Variants in STYX observed in about 807,000 individuals in gnomAD.
STYX encodes the protein serine/threonine/tyrosine-interacting protein.
STYX carries 20 observed loss-of-function variants against 42.7 expected under a neutral mutation model. The observed-to-expected ratio is 0.47, with a 90% confidence interval of 0.33 to 0.68. The LOEUF is 0.68. Ranked by LOEUF, STYX falls within the 30% of genes least tolerant of loss-of-function variation. STYX has a pLI of 0.02. For missense variants in STYX, 226 were observed against 268.5 expected (o/e 0.84, Z 1.11); for synonymous variants, 78 against 81.9 (o/e 0.95, Z 0.26).
At chr14:52,763,171 T>C (rs1428379596) in intron 9 of STYX, among the ~76,000 whole-genome samples, 1 of 152,114 alleles carries the variant, frequency 6.6e-6, no homozygotes, top group Non-Finnish European at 1.5e-5. Context: ...GGGTTACAGA[T>C]GTGAGCCACT....
chr14:52,760,021 G>A (rs988627149), intron 9 of STYX, among the ~76,000 whole-genome samples: 2 of 151,874 alleles, frequency 1.3e-5, no homozygotes, highest in Non-Finnish European at 2.9e-5. Context: ...AACAAAGTGA[G>A]ACCCAATCTC....
intron 1 of STYX, among the ~76,000 whole-genome samples, chr14:52,731,080 A>G (rs995309132): frequency 1.3e-5 from 2 of 152,238 alleles, no homozygotes; most frequent in Non-Finnish European, 2.9e-5. Flanking sequence ...TGACCTTTGG[A>G]GGAAAATTAA....
Position 52,752,469 on chromosome 14 carries a change from TA to T in STYX, c.242+1700del, listed in dbSNP as rs928853772. 6.2e-5 allele frequency among the ~76,000 whole-genome samples: 9 copies of T among 145,684 alleles called. No individual in the cohort carries two copies. In the South Asian group the frequency reaches 6.5e-4, roughly 11 times the overall value. Reference sequence around the variant, plus strand: ...ACAGAGCAAGACTCTGTCTCAAAAATAAAAAAAAAAATTTAATGCTCTGCTT... The same window carrying T: ...ACAGAGCAAGACTCTGTCTCAAAAATAAAAAAAAAATTTAATGCTCTGCTT... On this transcript the variant is annotated intron_variant, in intron 4 of 10. Transcript: ENST00000354586.
intron 9 of STYX, 151 bp downstream of exon 9, chr14:52,759,905 A>G: frequency 6.5e-6 from 4 of 611,942 alleles, no homozygotes; most frequent in Non-Finnish European, 1.1e-5. Context: ...TCTATTTAGA[A>G]GTATTTTCTT....
chr14:52,737,030 T>C (rs1202415687), intron 1 of STYX, among the ~76,000 whole-genome samples: 1 of 152,218 alleles, frequency 6.6e-6, no homozygotes, highest in Non-Finnish European at 1.5e-5. Flanking sequence ...AGTGCAAGTC[T>C]AGTATTCTGA....
At chr14:52,754,657 T>G (rs1881781736) in intron 4 of STYX, among the ~76,000 whole-genome samples, 1 of 152,204 alleles carries the variant, frequency 6.6e-6, no homozygotes, top group East Asian at 1.9e-4. Flanking sequence ...CTCTGTTGTG[T>G]ATGTGTATTT....
chr14:52,755,113 GTTTTTTTGTTTTTT>G (rs1467338495), intron 4 of STYX, among the ~76,000 whole-genome samples: 4 of 110,646 alleles, frequency 3.6e-5, no homozygotes, highest in East Asian at 2.7e-4. Context: ...TTTTTTGTTT[GTTTTTTTGTTTTTT>G]TTTTTTTGTT....
chr14:52,751,312 C>T (rs1455290427), intron 4 of STYX, among the ~76,000 whole-genome samples: 1 of 152,048 alleles, frequency 6.6e-6, no homozygotes, highest in Non-Finnish European at 1.5e-5. Context: ...TATGGCTATA[C>T]TAAAATTTAT....
chr14:52,732,678 T>G (rs2139872932), intron 1 of STYX, among the ~76,000 whole-genome samples: 1 of 152,232 alleles, frequency 6.6e-6, no homozygotes, highest in Middle Eastern at 3.4e-3. Flanking sequence ...ATTTATTTAT[T>G]TATTTTTTTG....
intron 1 of STYX, 35 bp from the exon 2 acceptor site, chr14:52,744,817 G>A: frequency 1.2e-6 from 2 of 1,607,386 alleles, no homozygotes; most frequent in Non-Finnish European, 1.7e-6. Context: ...CTTTTTAAAT[G>A]TTATCTACTT....
rs1180570844 is a variant in STYX at position 52,730,197 on chromosome 14, G to C, written c.-278G>C. 4.0e-6 allele frequency: 2 copies of C among 496,900 alleles called. No individual in the cohort carries two copies. Among genetic ancestry groups the C allele is most frequent in the African/African-American group, 4.0e-5 (2 of 49,658 alleles). 30.8% of individuals were successfully genotyped at this position (496,900 alleles called of 1,614,324 possible). A position where few individuals can be genotyped will look rare whatever the true frequency, so the allele number is the denominator to read the frequency against. On this transcript the variant is annotated 5_prime_UTR_variant, in exon 1 of 11. Coordinates refer to ENST00000354586, the MANE Select transcript of STYX (RefSeq NM_145251.4). The stretch of plus-strand genomic sequence containing the variant: ...CGGGCTGGTTCCTGTGCTGGATCCT[G>C]GGCGGCCTGAGGGGTACGGAGACTC...
chr14:52,772,565 C>T lies in STYX; in HGVS notation c.*1459C>T, dbSNP rs1262902344. The T allele has an allele frequency of 6.6e-6, 1 of 152,550 alleles. No individual in the cohort carries two copies. Among genetic ancestry groups the T allele is most frequent in the East Asian group, 1.9e-4 (1 of 5,192 alleles). 9.4% of individuals were successfully genotyped at this position (152,550 alleles called of 1,614,324 possible). Reference sequence around the variant, plus strand: ...AAACTCCTTTGTATCTAACTTTTCTCAATCCTCTCTTGAGGTGCTTTACTA... The same window carrying T: ...AAACTCCTTTGTATCTAACTTTTCTTAATCCTCTCTTGAGGTGCTTTACTA... On this transcript the variant is annotated 3_prime_UTR_variant, in exon 11 of 11. Coordinates refer to ENST00000354586, the MANE Select transcript of STYX (RefSeq NM_145251.4).
At position 52,774,017 on chromosome 14, in the gene STYX, G is replaced by A. The variant is rs897052457; in HGVS notation, c.*2911G>A. On this transcript the variant is annotated 3_prime_UTR_variant, in exon 11 of 11. Coordinates refer to ENST00000354586, the MANE Select transcript of STYX (RefSeq NM_145251.4). ...TTGAGTATTGAAAATATTCAAACAT[G>A]GAATGGCAGTATTCTAATTTCAGTT... The A allele has an allele frequency of 6.6e-6, 1 of 152,082 alleles. No individual in the cohort carries two copies. Among genetic ancestry groups the A allele is most frequent in the African/African-American group, 2.4e-5 (1 of 41,398 alleles). 9.4% of individuals were successfully genotyped at this position (152,082 alleles called of 1,614,324 possible).
rs569656801 is a variant in STYX at position 52,736,183 on chromosome 14, A to G, written c.57+5652A>G. ...GCCAGCACCTTCCTTACCCTCACCTAATTAACTGCTTACCCTTGGGTTAGA... is the reference window on the plus strand; with the variant it reads ...GCCAGCACCTTCCTTACCCTCACCTGATTAACTGCTTACCCTTGGGTTAGA... On this transcript the variant is annotated intron_variant, in intron 1 of 10. Coordinates refer to ENST00000354586, the MANE Select transcript of STYX (RefSeq NM_145251.4). Among the ~76,000 whole-genome samples, 80 of 152,164 alleles carry G rather than the reference A, an allele frequency of 5.3e-4. 5 individuals are homozygous for G. The South Asian group carries it at 0.016, about 30-fold the overall frequency.
Position 52,769,069 on chromosome 14 carries a change from A to G in STYX, c.598+136A>G. On this transcript the variant is annotated intron_variant, in intron 10 of 10. Transcript: ENST00000354586. Reference sequence around the variant, plus strand: ...TATTGAGCTAATTCCAGAAGGATTCATTTTATAATGAATAAATGTGTACTA... The same window carrying G: ...TATTGAGCTAATTCCAGAAGGATTCGTTTTATAATGAATAAATGTGTACTA... 3 of 615,510 alleles carry G rather than the reference A, an allele frequency of 4.9e-6. No homozygotes were observed. The South Asian group carries it at 8.0e-5, about 16-fold the overall frequency. The allele number at this position is 615,510 out of a possible 1,614,324, so 38.1% of individuals were successfully genotyped here.
chr14:52,736,756 T>G (rs927403827), intron 1 of STYX, among the ~76,000 whole-genome samples: 1 of 152,242 alleles, frequency 6.6e-6, no homozygotes, highest in Non-Finnish European at 1.5e-5. Flanking sequence ...GTTTAATTTA[T>G]CTGAATGAAG....
intron 1 of STYX, among the ~76,000 whole-genome samples, chr14:52,734,838 G>A (rs1296993734): frequency 6.6e-6 from 1 of 152,156 alleles, no homozygotes; most frequent in African/African-American, 2.4e-5. Context: ...GAGGCGGACG[G>A]ATCACGAGGT....
At chr14:52,735,440 A>T (rs569495012) in intron 1 of STYX, among the ~76,000 whole-genome samples, 1 of 152,326 alleles carries the variant, frequency 6.6e-6, no homozygotes, top group African/African-American at 2.4e-5. Context: ...AGTGAAGTTT[A>T]TTGTTGGTAG....
intron 3 of STYX, among the ~76,000 whole-genome samples, chr14:52,748,713 C>T (rs1311272245): frequency 6.6e-6 from 1 of 152,092 alleles, no homozygotes; most frequent in Non-Finnish European, 1.5e-5. Context: ...GCCTTCAAAA[C>T]TTGTTTAAGC....
Sources: allele counts gnomAD v4.1 joint callset (sites outside exome capture counted in the v4.1 genomes callset), GRCh38; gene constraint gnomAD v4.1.1; transcripts MANE v1.5; gene names NCBI Gene and HGNC (gene_info 2026-07-23, HGNC 2026-07-21).